Variants in KRTAP29-1 observed in about 807,000 individuals in gnomAD.
The protein encoded by KRTAP29-1 is keratin associated like protein 29-1, also known as keratin-associated protein 29-1.
For synonymous variants in KRTAP29-1, 142 were observed against 153.6 expected, an observed-to-expected ratio of 0.92 and a Z score of 0.56; for missense variants, 419 against 412.1, an observed-to-expected ratio of 1.02 and a Z score of -0.14.
rs2144192556 is a variant in KRTAP29-1 at position 41,301,969 on chromosome 17, G to T, written c.883C>A (p.Pro295Thr). Residue 295 changes from proline to threonine, a missense_variant, in exon 1 of 1, where the codon CCC becomes ACC. Physicochemically the swap from Pro to Thr is conservative, Grantham distance 38 (BLOSUM62 -1). Transcript: ENST00000391353. ...VISGQPTCDGPPSYNQSGCKS... is the reference protein window; with the variant it reads ...VISGQPTCDGTPSYNQSGCKS... ...CAGCCACTCTGGTTATAGGAAGGGGGTCCATCACAAGTTGGTTGGCCAGAA... is the reference window on the plus strand; with the variant it reads ...CAGCCACTCTGGTTATAGGAAGGGGTTCCATCACAAGTTGGTTGGCCAGAA... The T allele has an allele frequency of 2.6e-6, 4 of 1,550,590 alleles. No individual in the cohort carries two copies. The highest frequency in any genetic ancestry group is 3.5e-6 in the Non-Finnish European group (4 of 1,147,004).
chr17:41,302,757 A>C lies in KRTAP29-1; in HGVS notation c.95T>G (p.Leu32Arg). ...GCTGTGGCAGGAACTAGGCAAACAG[A>C]GAGCATGTCGAAATCCACCTTTAAC... is the stretch of plus-strand genomic sequence containing the variant. ...YPVKGGFRHA[L>R]CLPSSCHSRM... The change falls in exon 1 of 1, where the codon CTC becomes CGC. Residue 32 changes from leucine (L) to arginine (R), a missense_variant. Leu to Arg is a moderately radical substitution (Grantham distance 102). Transcript: ENST00000391353. 6.4e-7 allele frequency: 1 copy of C among 1,550,742 alleles called. No homozygotes were observed.
chr17:41,301,844 G>A lies in KRTAP29-1; in HGVS notation c.1008C>T (p.Cys336=), dbSNP rs2016832352. Residue 336 remains cysteine, a synonymous_variant, in exon 1 of 1, where the codon TGC becomes TGT. Transcript: ENST00000391353. The part of the protein sequence containing the change: ...SCQPSCESSF[C]KATLC ...GGCTCCATTAACAAAGTGTTGCCTT[G>A]CAGAAGCTGGACTCACAGCTGGGTT... 8 of 1,550,340 alleles carry A rather than the reference G, an allele frequency of 5.2e-6. No homozygotes were observed. The highest frequency in any genetic ancestry group is 1.4e-5 in the African/African-American group (1 of 73,062).
At chr17:41,302,309 G>T in the KRTAP29-1 span, 1 of 1,550,460 alleles carries the variant, frequency 6.4e-7, no homozygotes, top group Admixed American at 2.0e-5. Context: ...AAGTTGGTTG[G>T]CATGGACTAG....
In KRTAP29-1 at chr17:41,302,835, C is replaced by T. The variant is rs553138986; in HGVS notation, c.17G>A (p.Cys6Tyr). 2.6e-6 allele frequency: 4 copies of T among 1,547,588 alleles called. No homozygotes were observed. The highest frequency in any genetic ancestry group is 3.5e-6 in the Non-Finnish European group (4 of 1,144,808). The stretch of plus-strand genomic sequence containing the variant: ...TGGAATGGCTGTGGTGTTTCCAGGA[C>T]AACAGCCGTCTGCCATGGTGCTGGT... MADGC[C>Y]PGNTTAIPAV... The change falls in exon 1 of 1, where the codon TGT (cysteine) becomes TAT (tyrosine). Residue 6 changes from cysteine (C) to tyrosine (Y), a missense_variant. By Grantham distance (194) the Cys-to-Tyr change is radical (BLOSUM62 -2). Coordinates refer to ENST00000391353, the MANE Select transcript of KRTAP29-1 (RefSeq NM_001257309.1).
Position 41,302,251 on chromosome 17 carries a change from A to G in KRTAP29-1, c.601T>C (p.Cys201Arg), listed in dbSNP as rs1477568062. Residue 201 changes from cysteine to arginine, a missense_variant, in exon 1 of 1, where the codon TGT becomes CGT. Cys to Arg is a radical substitution (Grantham distance 180). Coordinates refer to ENST00000391353, the MANE Select transcript of KRTAP29-1 (RefSeq NM_001257309.1). Reference protein sequence around the residue: ...CQPVSGEGQPCKSTYYQPICY... With the variant: ...CQPVSGEGQPRKSTYYQPICY... ...ATGGGTTGATAATAAGTTGATTTAC[A>G]GGGCTGGCCTTCACCACTGACGGGT... is the stretch of plus-strand genomic sequence containing the variant. 6.4e-7 allele frequency: 1 copy of G among 1,550,486 alleles called. No individual in the cohort carries two copies. The highest frequency in any genetic ancestry group is 2.0e-5 in the Admixed American group (1 of 50,986).
At position 41,301,950 on chromosome 17, in the gene KRTAP29-1, C is replaced by T. The variant is rs2144192460; in HGVS notation, c.902G>A (p.Ser301Asn). The T allele has an allele frequency of 3.2e-6, 5 of 1,550,596 alleles. No individual in the cohort carries two copies. In the East Asian group the frequency reaches 1.2e-4, roughly 38 times the overall value. The change falls in exon 1 of 1, where the codon AGT becomes AAT. Residue 301 changes from serine to asparagine, a missense_variant. Ser to Asn is a conservative substitution (Grantham distance 46). Coordinates refer to ENST00000391353, the MANE Select transcript of KRTAP29-1 (RefSeq NM_001257309.1). ...TCDGPPSYNQ[S>N]GCKSACCVTG... ...CACACAGCAAGCTGATTTGCAGCCA[C>T]TCTGGTTATAGGAAGGGGGTCCATC...
chr17:41,302,563 C>T lies in KRTAP29-1; in HGVS notation c.289G>A (p.Gly97Ser), dbSNP rs747008615. The change falls in exon 1 of 1, where the codon GGT (glycine) becomes AGT (serine). Residue 97 changes from glycine to serine, a missense_variant. By Grantham distance (56) the Gly-to-Ser change is moderately conservative (BLOSUM62 0). Coordinates refer to ENST00000391353, the MANE Select transcript of KRTAP29-1 (RefSeq NM_001257309.1). ...SHAACYQSGT[G>S]QSPCLVSSCQ... ...GAGCTAACCAGACAAGGAGACTGAC[C>T]AGTGCCAGACTGATAGCAGGCTGCG... The T allele has an allele frequency of 2.6e-6, 4 of 1,550,628 alleles. No homozygotes were observed. In the Admixed American group the frequency reaches 7.8e-5, roughly 30 times the overall value.
Position 41,302,551 on chromosome 17 carries a change from A to G in KRTAP29-1, c.301T>C (p.Cys101Arg). The change falls in exon 1 of 1, where the codon TGT becomes CGT. Residue 101 changes from cysteine to arginine, a missense_variant. Cys to Arg is a radical substitution (Grantham distance 180). Transcript: ENST00000391353. ...GATGGCTGACATGAGCTAACCAGAC[A>G]AGGAGACTGACCAGTGCCAGACTGA... ...CYQSGTGQSP[C>R]LVSSCQPSCS... 6.4e-7 allele frequency: 1 copy of G among 1,550,682 alleles called. No individual in the cohort carries two copies. The highest frequency in any genetic ancestry group is 2.4e-5 in the East Asian group (1 of 40,930).
Position 41,302,204 on chromosome 17 carries a change from G to A in KRTAP29-1, c.648C>T (p.Cys216=), listed in dbSNP as rs1334837347. The A allele has an allele frequency of 1.9e-6, 3 of 1,550,566 alleles. No homozygotes were observed. The Admixed American group carries it at 5.9e-5, about 30-fold the overall frequency. The change falls in exon 1 of 1, where the codon TGC becomes TGT. Residue 216 remains cysteine, a synonymous_variant. Coordinates refer to ENST00000391353, the MANE Select transcript of KRTAP29-1 (RefSeq NM_001257309.1). ...GAACAGGCATGTAGAGGGCTGATTG[G>A]CAAGGCTTGAAAATATAGCAGATGG... ...YQPICYIFKP[C]QSALYMPVPC... is the part of the protein sequence containing the mutation.
In KRTAP29-1 at chr17:41,302,635, G is replaced by T; in HGVS notation, c.217C>A (p.Pro73Thr). Residue 73 changes from proline to threonine, a missense_variant, in exon 1 of 1, where the codon CCA (proline) becomes ACA (threonine). Physicochemically the swap from Pro to Thr is conservative, Grantham distance 38 (BLOSUM62 -1). Coordinates refer to ENST00000391353, the MANE Select transcript of KRTAP29-1 (RefSeq NM_001257309.1). ...DPASCQPTRL[P>T]ATSCVGFVCQ... ...ACAAAACCCACACAAGACGTTGCTG[G>T]AAGGCGGGTAGGTTGACACGAAGCA... 6.4e-7 allele frequency: 1 copy of T among 1,550,618 alleles called. No homozygotes were observed. Among genetic ancestry groups the T allele is most frequent in the Non-Finnish European group, 8.7e-7 (1 of 1,147,008 alleles).
chr17:41,302,583 G>T lies in KRTAP29-1; in HGVS notation c.269C>A (p.Ala90Asp), dbSNP rs1337864159. Residue 90 changes from alanine (A) to aspartate (D), a missense_variant, in exon 1 of 1, where the codon GCC (alanine) becomes GAC (aspartate). Ala to Asp is a moderately radical substitution (Grantham distance 126, BLOSUM62 -2). Coordinates refer to ENST00000391353, the MANE Select transcript of KRTAP29-1 (RefSeq NM_001257309.1). ...CTGACCAGTGCCAGACTGATAGCAG[G>T]CTGCGTGGGAGCACATAGGTTGGCA... ...FVCQPMCSHA[A>D]CYQSGTGQSP... The T allele has an allele frequency of 6.4e-7, 1 of 1,550,562 alleles. No homozygotes were observed. The highest frequency in any genetic ancestry group is 8.7e-7 in the Non-Finnish European group (1 of 1,147,020).
Position 41,302,462 on chromosome 17 carries a change from G to A in KRTAP29-1, c.390C>T (p.Ser130=), listed in dbSNP as rs1461568831. ...CAGACATGCAGACAGATTCCTGGCA[G>A]GAGCTTTGCTGGCAGGGACTGGCAT... is the stretch of plus-strand genomic sequence containing the variant. ...CCDASPCQQS[S]CQESVCMSGS... The change falls in exon 1 of 1, where the codon TCC becomes TCT. Residue 130 remains serine (S), a synonymous_variant. Transcript: ENST00000391353. 5.2e-6 allele frequency: 8 copies of A among 1,550,418 alleles called. No homozygotes were observed. Among genetic ancestry groups the A allele is most frequent in the Non-Finnish European group, 7.0e-6 (8 of 1,146,958 alleles).
rs1310485059 is a variant in KRTAP29-1 at position 41,302,119 on chromosome 17, G to C, written c.733C>G (p.His245Asp). ...SCNTTCCVPS[H>D]CQPPHCQLVP... ...AGTTGGCAGTGAGGTGGCTGGCAATGGGAAGGCACACAGCAAGTAGTATTG... is the reference window on the plus strand; with the variant it reads ...AGTTGGCAGTGAGGTGGCTGGCAATCGGAAGGCACACAGCAAGTAGTATTG... The change falls in exon 1 of 1, where the codon CAT becomes GAT. Residue 245 changes from histidine to aspartate, a missense_variant. By Grantham distance (81) the His-to-Asp change is moderately conservative. Coordinates refer to ENST00000391353, the MANE Select transcript of KRTAP29-1 (RefSeq NM_001257309.1). The C allele has an allele frequency of 6.4e-7, 1 of 1,550,504 alleles. No individual in the cohort carries two copies. Among genetic ancestry groups the C allele is most frequent in the African/African-American group, 1.4e-5 (1 of 73,042 alleles).
In KRTAP29-1 at chr17:41,302,514, G is replaced by C; in HGVS notation, c.338C>G (p.Ser113Cys). 6.4e-7 allele frequency: 1 copy of C among 1,550,500 alleles called. No homozygotes were observed. The highest frequency in any genetic ancestry group is 8.7e-7 in the Non-Finnish European group (1 of 1,146,968). Residue 113 changes from serine (S) to cysteine (C), a missense_variant, in exon 1 of 1, where the codon TCT becomes TGT. Ser to Cys is a moderately radical substitution (Grantham distance 112). Coordinates refer to ENST00000391353, the MANE Select transcript of KRTAP29-1 (RefSeq NM_001257309.1). ...GCAGCACTTTTCCTGACAACAAGTA[G>C]ATTCCGAGCAGGATGGCTGACATGA... ...VSSCQPSCSE[S>C]TCCQEKCCDA... is the part of the protein sequence containing the mutation.
chr17:41,301,902 C>T lies in KRTAP29-1; in HGVS notation c.950G>A (p.Ser317Asn). Reference sequence around the variant, plus strand: ...AGTCGGCAAGCAATTGGAGCCACTACTGGGTGATGTGCCTAAACCAGTCAC... The same window carrying T: ...AGTCGGCAAGCAATTGGAGCCACTATTGGGTGATGTGCCTAAACCAGTCAC... ...CCVTGLGTSP[S>N]SGSNCLPTSC... The change falls in exon 1 of 1, where the codon AGT becomes AAT. Residue 317 changes from serine to asparagine, a missense_variant. By Grantham distance (46) the Ser-to-Asn change is conservative. Coordinates refer to ENST00000391353, the MANE Select transcript of KRTAP29-1 (RefSeq NM_001257309.1). 8 of 1,550,606 alleles carry T rather than the reference C, an allele frequency of 5.2e-6. No individual in the cohort carries two copies. The highest frequency in any genetic ancestry group is 7.0e-6 in the Non-Finnish European group (8 of 1,147,006).
Position 41,302,525 on chromosome 17 carries a change from G to A in KRTAP29-1, c.327C>T (p.Ser109=). 3 of 1,550,566 alleles carry A rather than the reference G, an allele frequency of 1.9e-6. No homozygotes were observed. The highest frequency in any genetic ancestry group is 2.6e-6 in the Non-Finnish European group (3 of 1,146,966). ...CCTGACAACAAGTAGATTCCGAGCA[G>A]GATGGCTGACATGAGCTAACCAGAC... The part of the protein sequence containing the change: ...SPCLVSSCQP[S]CSESTCCQEK... The change falls in exon 1 of 1, where the codon TCC becomes TCT. Residue 109 remains serine, a synonymous_variant. Transcript: ENST00000391353.
Position 41,302,242 on chromosome 17 carries a change from T to C in KRTAP29-1, c.610A>G (p.Thr204Ala). 1 of 1,550,324 alleles carries C rather than the reference T, an allele frequency of 6.5e-7. No homozygotes were observed. Among genetic ancestry groups the C allele is most frequent in the East Asian group, 2.4e-5 (1 of 40,898 alleles). ...ATATAGCAGATGGGTTGATAATAAGTTGATTTACAGGGCTGGCCTTCACCA... is the reference window on the plus strand; with the variant it reads ...ATATAGCAGATGGGTTGATAATAAGCTGATTTACAGGGCTGGCCTTCACCA... ...VSGEGQPCKS[T>A]YYQPICYIFK... The change falls in exon 1 of 1, where the codon ACT becomes GCT. Residue 204 changes from threonine (T) to alanine (A), a missense_variant. By Grantham distance (58) the Thr-to-Ala change is moderately conservative. Coordinates refer to ENST00000391353, the MANE Select transcript of KRTAP29-1 (RefSeq NM_001257309.1).
At position 41,302,484 on chromosome 17, in the gene KRTAP29-1, G is replaced by A. The variant is rs1223613053; in HGVS notation, c.368C>T (p.Ala123Val). The change falls in exon 1 of 1, where the codon GCC (alanine) becomes GTC (valine). Residue 123 changes from alanine (A) to valine (V), a missense_variant. Coordinates refer to ENST00000391353, the MANE Select transcript of KRTAP29-1 (RefSeq NM_001257309.1). ...STCCQEKCCD[A>V]SPCQQSSCQE... is the part of the protein sequence containing the mutation. Reference sequence around the variant, plus strand: ...GCAGGAGCTTTGCTGGCAGGGACTGGCATCGCAGCACTTTTCCTGACAACA... The same window carrying A: ...GCAGGAGCTTTGCTGGCAGGGACTGACATCGCAGCACTTTTCCTGACAACA... 6.4e-7 allele frequency: 1 copy of A among 1,550,508 alleles called. No homozygotes were observed. Among genetic ancestry groups the A allele is most frequent in the South Asian group, 1.2e-5 (1 of 84,060 alleles).
chr17:41,302,285 A>G lies in KRTAP29-1; in HGVS notation c.567T>C (p.Ser189=). 3 of 1,550,536 alleles carry G rather than the reference A, an allele frequency of 1.9e-6. No homozygotes were observed. The highest frequency in any genetic ancestry group is 2.6e-6 in the Non-Finnish European group (3 of 1,146,972). ...SPCQPTWCQG[S]SCQPVSGEGQ... is the part of the protein sequence containing the mutation. ...CTTCACCACTGACGGGTTGACATGA[A>G]CTTCCTTGGCACCAAGTTGGTTGGC... The change falls in exon 1 of 1, where the codon AGT becomes AGC. Residue 189 remains serine, a synonymous_variant. Transcript: ENST00000391353.
Sources: allele counts gnomAD v4.1 joint callset, GRCh38; gene constraint gnomAD v4.1.1; transcripts MANE v1.5; gene names NCBI Gene and HGNC (gene_info 2026-07-23, HGNC 2026-07-21).